The following TXNL4A variants were observed in gnomAD, a reference collection of about 807,000 sequenced individuals.
TXNL4A encodes the protein thioredoxin-like protein 4A.
Under a neutral mutation model 14.6 loss-of-function variants are expected in TXNL4A, and 17 were observed. That is an observed-to-expected ratio of 1.16 (90% confidence interval 0.80 to 1.74). The LOEUF is 1.74. Ranked by LOEUF, TXNL4A falls within the 40% of genes most tolerant of loss-of-function variation. TXNL4A has a pLI of 0.00. For missense variants in TXNL4A, 74 were observed against 195.2 expected (o/e 0.38, Z 3.70); for synonymous variants, 83 against 70.6 (o/e 1.18, Z -0.88).
rs757713538 is a variant in TXNL4A, at chr18:79,988,225, A to C, written c.153+15T>G. Reference sequence around the variant, plus strand: ...GGAAGCACAGCCCGCAGAGCGGGAGAGTCCGGCGCGCTACCTTCTCGGCGA... The same window carrying C: ...GGAAGCACAGCCCGCAGAGCGGGAGCGTCCGGCGCGCTACCTTCTCGGCGA... On this transcript the variant is annotated intron_variant, in intron 1 of 2. Coordinates refer to ENST00000269601, the MANE Select transcript of TXNL4A (RefSeq NM_006701.5). 6.6e-7 allele frequency: 1 copy of C among 1,506,918 alleles called. No individual in the cohort carries two copies. Among genetic ancestry groups the C allele is most frequent in the Admixed American group, 1.8e-5 (1 of 56,148 alleles). 93.3% of individuals were successfully genotyped at this position (1,506,918 alleles called of 1,614,324 possible). A position where few individuals can be genotyped will look rare whatever the true frequency, so the allele number is the denominator to read the frequency against.
Position 79,988,437 on chromosome 18 carries a change from G to A in TXNL4A, c.-45C>T. 2.9e-6 allele frequency: 4 copies of A among 1,382,460 alleles called. No individual in the cohort carries two copies. Among genetic ancestry groups the A allele is most frequent in the Non-Finnish European group, 3.8e-6 (4 of 1,050,344 alleles). The allele number at this position is 1,382,460 out of a possible 1,614,324, so 85.6% of individuals were successfully genotyped here. On this transcript the variant is annotated 5_prime_UTR_variant, in exon 1 of 3. Coordinates refer to ENST00000269601, the MANE Select transcript of TXNL4A (RefSeq NM_006701.5). The stretch of plus-strand genomic sequence containing the variant: ...GCCGCCCAAGGCGGGGCGCCAGGGA[G>A]GGCCCAGCGAGGTGGGCTCAGCCGG...
intron 1 of TXNL4A, among the ~76,000 whole-genome samples, chr18:80,000,339 C>T (rs759855562): frequency 2.0e-5 from 3 of 152,182 alleles, no homozygotes; most frequent in Non-Finnish European, 4.4e-5. Flanking sequence ...TTGTTGGGAA[C>T]TAGAATAAAG....
chr18:80,009,636 T>C (rs2051756841), intron 1 of TXNL4A, among the ~76,000 whole-genome samples: 1 of 152,226 alleles, frequency 6.6e-6, no homozygotes, highest in Non-Finnish European at 1.5e-5. Flanking sequence ...GAGAGTTTAT[T>C]ACAAAGTTTT....
At chr18:80,030,482 CAAATTACATAA>C (rs767901480) in intron 1 of TXNL4A, 22 of 152,220 alleles carry the variant, frequency 1.4e-4, no homozygotes, top group Non-Finnish European at 2.6e-4. Context: ...ATTATGCAGA[CAAATTACATAA>C]GAACACCTGC....
rs982636142 is a variant in TXNL4A, at chr18:79,971,262, A to G, written c.*2423T>C. 6.6e-6 allele frequency: 1 copy of G among 152,238 alleles called. No individual in the cohort carries two copies. Among genetic ancestry groups the G allele is most frequent in the African/African-American group, 2.4e-5 (1 of 41,448 alleles). 9.4% of individuals were successfully genotyped at this position (152,238 alleles called of 1,614,324 possible). On this transcript the variant is annotated 3_prime_UTR_variant, in exon 3 of 3. Coordinates refer to ENST00000269601, the MANE Select transcript of TXNL4A (RefSeq NM_006701.5). ...TTTTGGCTTCTGTGTACGAGTTTCTATGTGGACATATGCGTTCAATTCTCC... is the reference window on the plus strand; with the variant it reads ...TTTTGGCTTCTGTGTACGAGTTTCTGTGTGGACATATGCGTTCAATTCTCC...
intron 1 of TXNL4A, among the ~76,000 whole-genome samples, chr18:80,009,045 G>A (rs1003799793): frequency 6.6e-6 from 1 of 152,190 alleles, no homozygotes; most frequent in African/African-American, 2.4e-5. Flanking sequence ...CCAAAGTGCT[G>A]GGATTACAGG....
intron 2 of TXNL4A, among the ~76,000 whole-genome samples, chr18:79,974,527 TCTCA>T (rs1272371816): frequency 6.6e-6 from 1 of 152,132 alleles, no homozygotes; most frequent in Non-Finnish European, 1.5e-5. Context: ...TGAGATGGGG[TCTCA>T]CTGTCATCTA....
intron 2 of TXNL4A, among the ~76,000 whole-genome samples, chr18:79,976,281 G>C (rs547498223): frequency 3.3e-5 from 5 of 152,334 alleles, no homozygotes; most frequent in South Asian, 4.1e-4. Flanking sequence ...GATTATTTGG[G>C]CAAGTCTAAT....
At chr18:79,997,299 C>T (rs1456635255) in intron 1 of TXNL4A, among the ~76,000 whole-genome samples, 1 of 151,960 alleles carries the variant, frequency 6.6e-6, no homozygotes, top group African/African-American at 2.4e-5. Context: ...GATGGAATCG[C>T]CCCTGTCATC....
At chr18:80,008,574 C>CT (rs1456133591) in intron 1 of TXNL4A, among the ~76,000 whole-genome samples, 1 of 152,086 alleles carries the variant, frequency 6.6e-6, no homozygotes, top group Non-Finnish European at 1.5e-5. Flanking sequence ...TTCCCTTCCT[C>CT]TCCCCCTTCC....
chr18:79,989,666 C>CT (rs1341920037), upstream of TXNL4A, among the ~76,000 whole-genome samples: 5 of 152,190 alleles, frequency 3.3e-5, no homozygotes, highest in African/African-American at 1.2e-4. Flanking sequence ...TGTCTACTAT[C>CT]TAGCTATCCT....
chr18:80,003,670 G>A (rs1325239032), intron 1 of TXNL4A, among the ~76,000 whole-genome samples: 1 of 152,160 alleles, frequency 6.6e-6, no homozygotes, highest in African/African-American at 2.4e-5. Flanking sequence ...TATTTTATTG[G>A]AGATGGTGTA....
rs1035248970 is a variant in TXNL4A at position 79,982,841 on chromosome 18, G to A, written c.154-5140C>T. The stretch of plus-strand genomic sequence containing the variant: ...TTCTTGGTGAAATGGCATCTGTGGG[G>A]TGACTGGAGGAGCATGAGCTGAGGG... On this transcript the variant is annotated intron_variant, in intron 1 of 2. Coordinates refer to ENST00000269601, the MANE Select transcript of TXNL4A (RefSeq NM_006701.5). This position sits in a 1 kb window ranked among gnomAD's most constrained non-coding sequence, Gnocchi z 4.0. Among the ~76,000 whole-genome samples, 1 of 152,142 alleles carries A rather than the reference G, an allele frequency of 6.6e-6. No homozygotes were observed. Among genetic ancestry groups the A allele is most frequent in the Non-Finnish European group, 1.5e-5 (1 of 68,022 alleles).
At position 79,972,771 on chromosome 18, in the gene TXNL4A, A is replaced by C. The variant is rs2051318200; in HGVS notation, c.*914T>G. 2 of 152,194 alleles carry C rather than the reference A, an allele frequency of 1.3e-5. No homozygotes were observed. Among genetic ancestry groups the C allele is most frequent in the Non-Finnish European group, 2.9e-5 (2 of 68,044 alleles). The allele number at this position is 152,194 out of a possible 1,614,324, so 9.4% of individuals were successfully genotyped here. A position where few individuals can be genotyped will look rare whatever the true frequency, so the allele number is the denominator to read the frequency against. ...AGCCACCGTGCCTGGCCAATAAGGAAATTTTCTAACTATATGAACTGAAGG... is the reference window on the plus strand; with the variant it reads ...AGCCACCGTGCCTGGCCAATAAGGACATTTTCTAACTATATGAACTGAAGG... On this transcript the variant is annotated 3_prime_UTR_variant, in exon 3 of 3. Transcript: ENST00000269601.
chr18:80,012,401 C>T (rs1301142573), intron 1 of TXNL4A, among the ~76,000 whole-genome samples: 3 of 152,140 alleles, frequency 2.0e-5, no homozygotes, highest in South Asian at 2.1e-4. Flanking sequence ...ACAATGCTAC[C>T]GTGTTAGAAG....
chr18:80,006,524 T>C (rs1198011000), intron 1 of TXNL4A, among the ~76,000 whole-genome samples: 1 of 152,198 alleles, frequency 6.6e-6, no homozygotes, highest in Non-Finnish European at 1.5e-5. Context: ...GGTTGTAAAC[T>C]GAGTTTCAGC....
In TXNL4A at chr18:79,993,765, C is replaced by T. The variant is rs999741875; in HGVS notation, c.-60-16064G>A. Reference sequence around the variant, plus strand: ...GGCATTCTTAGGCAACTGAGAATCGCGTGAGGGTGTCTGGGAGGAAAGCAC... The same window carrying T: ...GGCATTCTTAGGCAACTGAGAATCGTGTGAGGGTGTCTGGGAGGAAAGCAC... On this transcript the variant is annotated intron_variant, in intron 1 of 2. Coordinates refer to the TXNL4A transcript ENST00000585474. The surrounding 1 kb of genome is among the most constrained non-coding windows in gnomAD (Gnocchi z 4.4). Among the ~76,000 whole-genome samples, 6 of 152,140 alleles carry T rather than the reference C, an allele frequency of 3.9e-5. No homozygotes were observed. The highest frequency in any genetic ancestry group is 9.7e-5 in the African/African-American group (4 of 41,432).
At chr18:80,010,988 G>A (rs938697994) in intron 1 of TXNL4A, among the ~76,000 whole-genome samples, 2 of 151,890 alleles carry the variant, frequency 1.3e-5, no homozygotes, top group Non-Finnish European at 2.9e-5. Flanking sequence ...ACTTCCTGCT[G>A]GAAAGGGGCA....
intron 1 of TXNL4A, among the ~76,000 whole-genome samples, chr18:80,027,713 G>C (rs1425179512): frequency 6.6e-6 from 1 of 152,152 alleles, no homozygotes; most frequent in Non-Finnish European, 1.5e-5. Context: ...CTTCCTCCCA[G>C]GAAGATGGTC....
Sources: allele counts gnomAD v4.1 joint callset (sites outside exome capture counted in the v4.1 genomes callset), GRCh38; gene constraint gnomAD v4.1.1; non-coding constraint Gnocchi (gnomAD v3.1); transcripts MANE v1.5; gene names NCBI Gene and HGNC (gene_info 2026-07-23, HGNC 2026-07-21).